Variants in DAP3 observed in about 807,000 individuals in gnomAD.
The protein encoded by DAP3 is death associated protein 3.
Under a neutral mutation model 51.9 loss-of-function variants are expected in DAP3, and 28 were observed. The observed-to-expected ratio is 0.54, with a 90% CI of 0.40 to 0.74. The LOEUF (loss-of-function observed/expected upper bound fraction) is 0.74, where lower values mean the gene tolerates loss of function less well. Among genes scored for constraint, DAP3 ranks in the 30% least tolerant of loss-of-function variants. DAP3 has a pLI of 0.00. For missense variants in DAP3, 458 were observed against 483.5 expected (o/e 0.95, Z 0.49); for synonymous variants, 170 against 170.3 (o/e 1.00, Z 0.01).
rs546025761 is a variant in DAP3 at position 155,706,198 on chromosome 1, G to A, written c.-7-3575G>A. On this transcript the variant is annotated intron_variant, in intron 1 of 12. Coordinates refer to ENST00000368336, the MANE Select transcript of DAP3 (RefSeq NM_004632.4). ...TTTTTCTTTTGTTTGTGGAATTGGCGGTCTTACTATGTACCCAAGCTGGTC... is the reference window on the plus strand; with the variant it reads ...TTTTTCTTTTGTTTGTGGAATTGGCAGTCTTACTATGTACCCAAGCTGGTC... Among the ~76,000 whole-genome samples the A allele has an allele frequency of 1.4e-4, 22 of 152,046 alleles. No homozygotes were observed. The South Asian group carries it at 3.1e-3, about 22-fold the overall frequency.
intron 2 of DAP3, among the ~76,000 whole-genome samples, chr1:155,714,366 C>T (rs1657076819): frequency 6.6e-6 from 1 of 152,154 alleles, no homozygotes; most frequent in Non-Finnish European, 1.5e-5. Flanking sequence ...CACCTGGCTC[C>T]ATCCAAGCTT....
At chr1:155,701,120 C>A (rs1285609891) in intron 1 of DAP3, among the ~76,000 whole-genome samples, 6 of 127,318 alleles carry the variant, frequency 4.7e-5, no homozygotes, top group Admixed American at 1.4e-4. Context: ...TCTGCCCGGC[C>A]GCCCCTACTG....
intron 3 of DAP3, among the ~76,000 whole-genome samples, chr1:155,719,498 A>T (rs1657738726): frequency 6.6e-6 from 1 of 151,302 alleles, no homozygotes; most frequent in South Asian, 2.1e-4. Flanking sequence ...GGCCTCCTAA[A>T]GTGCTGGGAT....
intron 7 of DAP3, among the ~76,000 whole-genome samples, chr1:155,728,689 A>G (rs1432898730): frequency 6.6e-6 from 1 of 152,112 alleles, no homozygotes; most frequent in Non-Finnish European, 1.5e-5. Flanking sequence ...GCGAAACCCC[A>G]TCTCTACTAA....
At chr1:155,694,885 G>A (rs1342508188) in intron 1 of DAP3, among the ~76,000 whole-genome samples, 1 of 152,114 alleles carries the variant, frequency 6.6e-6, no homozygotes, top group Non-Finnish European at 1.5e-5. Flanking sequence ...ATAGTAACCT[G>A]ATTGCGGAAG....
upstream of DAP3, chr1:155,688,858 C>G (rs1653193754): frequency 6.2e-7 from 1 of 1,600,982 alleles, no homozygotes; most frequent in South Asian, 1.1e-5. Flanking sequence ...AGGAAGGGAC[C>G]GGCAAAGCGA....
intron 9 of DAP3, among the ~76,000 whole-genome samples, chr1:155,730,687 C>T (rs548736824): frequency 2.0e-5 from 3 of 152,196 alleles, no homozygotes; most frequent in Admixed American, 2.0e-4. Context: ...AAGAGTTCCA[C>T]TATTCATTGA....
chr1:155,711,201 T>C (rs1314250286), intron 2 of DAP3, among the ~76,000 whole-genome samples: 2 of 151,958 alleles, frequency 1.3e-5, no homozygotes, highest in African/African-American at 4.8e-5. Flanking sequence ...TAAAATAAAT[T>C]TCCTCTCTCG....
At chr1:155,712,449 C>G (rs1464020398) in intron 2 of DAP3, among the ~76,000 whole-genome samples, 1 of 151,980 alleles carries the variant, frequency 6.6e-6, no homozygotes, top group South Asian at 2.1e-4. Flanking sequence ...TCCGTCACTA[C>G]TAAAAATACA....
chr1:155,731,580 G>T, intron 10 of DAP3, 165 bp downstream of exon 10: 3 of 691,670 alleles, frequency 4.3e-6, no homozygotes, highest in Non-Finnish European at 7.0e-6. Flanking sequence ...AATAAAGTCT[G>T]AATTAAAATC....
chr1:155,691,007 G>A (rs1047202678), intron 1 of DAP3, among the ~76,000 whole-genome samples: 9 of 141,548 alleles, frequency 6.4e-5, no homozygotes, highest in African/African-American at 1.3e-4. Flanking sequence ...TCCCGGGTTC[G>A]CGCCATTCTC....
chr1:155,716,147 T>C (rs1007044587), intron 2 of DAP3, among the ~76,000 whole-genome samples: 1 of 152,220 alleles, frequency 6.6e-6, no homozygotes, highest in Non-Finnish European at 1.5e-5. Context: ...GACAGAATTG[T>C]TTGTTTCCGT....
At chr1:155,688,330 G>A (rs1403399011), upstream of DAP3, 2 of 1,551,588 alleles carry the variant, frequency 1.3e-6, no homozygotes, top group East Asian at 2.4e-5. Flanking sequence ...GGCGGCGGCA[G>A]CGGCGGCAGC....
chr1:155,729,150 C>T (rs1658934269), intron 8 of DAP3, 28 bp downstream of exon 8: 8 of 1,613,970 alleles, frequency 5.0e-6, no homozygotes, highest in Non-Finnish European at 6.8e-6. Flanking sequence ...GAATGTGTAA[C>T]ATGCGATAAC....
At chr1:155,689,949 G>A (rs1571399150) in intron 1 of DAP3, among the ~76,000 whole-genome samples, 1 of 151,992 alleles carries the variant, frequency 6.6e-6, no homozygotes, top group East Asian at 1.9e-4. Flanking sequence ...TATATGTAAA[G>A]TGGAATTAGC....
At chr1:155,727,827 C>A in intron 7 of DAP3, 89 bp downstream of exon 7, 1 of 1,378,366 alleles carries the variant, frequency 7.3e-7, no homozygotes. Flanking sequence ...AGAACTGATA[C>A]TGGAGTTGGA....
intron 1 of DAP3, among the ~76,000 whole-genome samples, chr1:155,698,955 G>T (rs889918388): frequency 6.6e-6 from 1 of 152,038 alleles, no homozygotes; most frequent in Admixed American, 6.6e-5. Flanking sequence ...GGATTCTTTC[G>T]GGCCTCATGT....
chr1:155,724,632 CAAAAAAAGA>C (rs112758369), intron 4 of DAP3, among the ~76,000 whole-genome samples: 9,562 of 111,518 alleles, frequency 0.086, 370 homozygotes, highest in African/African-American at 0.17. Flanking sequence ...GACTCTGTCT[CAAAAAAAGA>C]AAAAAAAAAA....
At chr1:155,725,823 C>A in intron 5 of DAP3, 104 bp from the exon 6 acceptor site, 1 of 1,002,764 alleles carries the variant, frequency 1.0e-6, no homozygotes, top group South Asian at 1.5e-5. Context: ...GATATCAAGC[C>A]ACTGCACTCC....
Sources: allele counts gnomAD v4.1 joint callset (sites outside exome capture counted in the v4.1 genomes callset), GRCh38; gene constraint gnomAD v4.1.1; transcripts MANE v1.5; gene names NCBI Gene and HGNC (gene_info 2026-07-23, HGNC 2026-07-21).